The following BSG variants were observed in gnomAD, a reference collection of about 807,000 sequenced individuals.
The protein encoded by BSG is basigin (Ok blood group), also known as basigin.
In BSG, 37 loss-of-function variants were observed where a neutral mutation model predicts 43.1. That is an observed-to-expected ratio of 0.86 (90% CI 0.66 to 1.13). The LOEUF (loss-of-function observed/expected upper bound fraction) is 1.13. Ranked by LOEUF, BSG falls within the 50% of genes most tolerant of loss-of-function variation. The pLI is 0.00. For synonymous variants in BSG, 309 were observed against 238.7 expected (o/e 1.29, Z -2.72); for missense variants, 599 against 554.2 (o/e 1.08, Z -0.81).
At chr19:581,731 A>G (rs1982343421) in intron 6 of BSG, 140 bp downstream of exon 6, 7 of 1,226,082 alleles carry the variant, frequency 5.7e-6, no homozygotes, top group Non-Finnish European at 7.7e-6. Flanking sequence ...GGGACCCCGA[A>G]AGAAAGTGTG....
chr19:578,269 C>T (rs1296248061), intron 2 of BSG, 148 bp downstream of exon 2: 37 of 857,706 alleles, frequency 4.3e-5, no homozygotes, highest in Non-Finnish European at 5.7e-5. Context: ...CGGAGGGGCC[C>T]GGACCTGAAG....
At chr19:580,018 C>G in intron 3 of BSG, 1 of 408,194 alleles carries the variant, frequency 2.4e-6, no homozygotes, top group Non-Finnish European at 4.4e-6. Context: ...ACCCCAGACG[C>G]TGTCATGGCC....
intron 2 of BSG, 109 bp from the exon 3 acceptor site, chr19:579,391 G>C: frequency 1.4e-6 from 2 of 1,475,676 alleles, no homozygotes; most frequent in Non-Finnish European, 1.9e-6. Flanking sequence ...GTATTTTTGG[G>C]ATGAAAACCA....
At position 578,549 on chromosome 19, in the gene BSG, A is replaced by G. The variant is rs143454800; in HGVS notation, c.415+428A>G. Among the ~76,000 whole-genome samples, 115 of 152,338 alleles carry G rather than the reference A, an allele frequency of 7.5e-4. 1 individual carries two copies. In the East Asian group the frequency reaches 0.018, roughly 24 times the overall value. ...CGTTCTAAGGGATTTTCAAATTTCA[A>G]TTCCTAGCGGGAATATTGTAAACTA... On this transcript the variant is annotated intron_variant, in intron 2 of 8. Transcript: ENST00000333511.
chr19:571,650 CAA>C, upstream of BSG: 1 of 774,082 alleles, frequency 1.3e-6, no homozygotes. Flanking sequence ...GTCGGTCCCG[CAA>C]AGAGAAACCA....
chr19:573,198 G>C (rs922770603), intron 1 of BSG, among the ~76,000 whole-genome samples: 5 of 152,206 alleles, frequency 3.3e-5, no homozygotes, highest in Non-Finnish European at 5.9e-5. Context: ...CAGGGGTCAG[G>C]GGCTGGTTGG....
Position 572,687 on chromosome 19 carries a change from G to T in BSG, c.53G>T (p.Gly18Val). ...LLGFALLGTH[G>V]ASGAAGFVQA... The stretch of plus-strand genomic sequence containing the variant: ...GGATTCGCGCTGCTGGGCACCCACG[G>T]AGCCTCCGGGGCTGGTGAGGAGCGG... Residue 18 changes from glycine to valine, a missense_variant, in exon 1 of 9, where the codon GGA (glycine) becomes GTA (valine). Physicochemically the swap from Gly to Val is moderately radical, Grantham distance 109. Coordinates refer to ENST00000333511, the MANE Select transcript of BSG (RefSeq NM_001728.4). 2.7e-6 allele frequency: 4 copies of T among 1,493,808 alleles called. No individual in the cohort carries two copies. Among genetic ancestry groups the T allele is most frequent in the Non-Finnish European group, 3.6e-6 (4 of 1,117,996 alleles). 92.5% of individuals were successfully genotyped at this position (1,493,808 alleles called of 1,614,324 possible). A position where few individuals can be genotyped will look rare whatever the true frequency, so the allele number is the denominator to read the frequency against.
intron 1 of BSG, among the ~76,000 whole-genome samples, chr19:574,478 G>C (rs1471529575): frequency 6.6e-6 from 1 of 152,144 alleles, no homozygotes; most frequent in East Asian, 1.9e-4. Flanking sequence ...GTGTGAACCA[G>C]GGAGGCGGAG....
At chr19:582,371 C>T (rs1982402024) in intron 7 of BSG, 41 bp downstream of exon 7, 8 of 1,596,104 alleles carry the variant, frequency 5.0e-6, no homozygotes, top group African/African-American at 1.4e-5. Flanking sequence ...CAAGGAGCGG[C>T]CTGCTGCCCC....
intron 3 of BSG, chr19:579,941 G>A (rs1405130901): frequency 1.0e-5 from 5 of 477,798 alleles, no homozygotes; most frequent in African/African-American, 3.9e-5. Context: ...CCGGGCACGT[G>A]TGCGGGCCTC....
Position 572,713 on chromosome 19 carries a change from G to A in BSG, c.67+12G>A, listed in dbSNP as rs780335811. 1.4e-6 allele frequency: 2 copies of A among 1,468,826 alleles called. No individual in the cohort carries two copies. Among genetic ancestry groups the A allele is most frequent in the Non-Finnish European group, 1.8e-6 (2 of 1,102,998 alleles). The allele number at this position is 1,468,826 out of a possible 1,614,324, so 91.0% of individuals were successfully genotyped here. ...AGCCTCCGGGGCTGGTGAGGAGCGG[G>A]TAGGGGGCGGGGGTGCGGTCCTGCA... On this transcript the variant is annotated intron_variant, in intron 1 of 8. Transcript: ENST00000333511.
chr19:581,236 T>C, intron 5 of BSG, 79 bp from the exon 6 acceptor site: 1 of 1,334,898 alleles, frequency 7.5e-7, no homozygotes, highest in South Asian at 2.0e-5. Context: ...AGACTGGGGG[T>C]CCCGGACTCA....
intron 2 of BSG, chr19:578,952 G>C (rs746150782): frequency 2.9e-5 from 13 of 451,376 alleles, no homozygotes; most frequent in Non-Finnish European, 5.8e-5. Context: ...GGATGGTCTC[G>C]ATCTCCCGAC....
rs954383088 is a variant in BSG at position 580,405 on chromosome 19, A to G, written c.599A>G (p.Glu200Gly). The G allele has an allele frequency of 6.2e-7, 1 of 1,610,946 alleles. No homozygotes were observed. The highest frequency in any genetic ancestry group is 1.3e-5 in the African/African-American group (1 of 74,822). The change falls in exon 4 of 9, where the codon GAG (glutamate) becomes GGG (glycine). Residue 200 changes from glutamate to glycine, a missense_variant. Glu to Gly is a moderately conservative substitution (Grantham distance 98). Transcript: ENST00000333511. Reference sequence around the variant, plus strand: ...GTGGACTCCGACGACCAGTGGGGAGAGTACTCCTGCGTCTTCCTCCCCGAG... The same window carrying G: ...GTGGACTCCGACGACCAGTGGGGAGGGTACTCCTGCGTCTTCCTCCCCGAG... ...FKVDSDDQWGEYSCVFLPEPM... is the reference protein window; with the variant it reads ...FKVDSDDQWGGYSCVFLPEPM...
At chr19:571,700 T>C, upstream of BSG, 1 of 719,790 alleles carries the variant, frequency 1.4e-6, no homozygotes, top group Non-Finnish European at 2.6e-6. Context: ...ACTTTACTTG[T>C]ACGGAAGGGG....
At chr19:581,632 G>A (rs769806703) in intron 6 of BSG, 41 bp downstream of exon 6, 13 of 1,527,972 alleles carry the variant, frequency 8.5e-6, no homozygotes, top group Non-Finnish European at 8.8e-7. Flanking sequence ...CTGCTCTCGG[G>A]GTGGCCCAGG....
intron 1 of BSG, among the ~76,000 whole-genome samples, chr19:576,487 C>T (rs114970040): frequency 1.3e-5 from 2 of 152,198 alleles, no homozygotes; most frequent in African/African-American, 2.4e-5. Context: ...GCCAGCCAGG[C>T]GCGGTGGCTC....
rs569279461 is a variant in BSG, at chr19:580,544, C to T, written c.655+83C>T. 5.0e-6 allele frequency: 8 copies of T among 1,603,266 alleles called. No homozygotes were observed. The East Asian group carries it at 1.8e-4, about 36-fold the overall frequency. On this transcript the variant is annotated intron_variant, in intron 4 of 8. Coordinates refer to ENST00000333511, the MANE Select transcript of BSG (RefSeq NM_001728.4). Reference sequence around the variant, plus strand: ...CTGAGGCACCCGGCACATCCCAGAGCCCTGGCCCCCTGCTCCCTGGAGGGG... The same window carrying T: ...CTGAGGCACCCGGCACATCCCAGAGTCCTGGCCCCCTGCTCCCTGGAGGGG...
intron 1 of BSG, among the ~76,000 whole-genome samples, chr19:576,924 C>T (rs904792546): frequency 1.3e-5 from 2 of 151,298 alleles, no homozygotes; most frequent in Non-Finnish European, 2.9e-5. Context: ...CGCATATGCA[C>T]GTGTGTATGT....
Sources: gnomAD v4.1 joint callset for allele counts (sites outside exome capture counted in the v4.1 genomes callset) on GRCh38, gnomAD v4.1.1 for gene constraint, MANE v1.5 for transcripts, NCBI Gene and HGNC (gene_info 2026-07-23, HGNC 2026-07-21) for gene names.